HSF5: variants seen among roughly 807,000 people sequenced by gnomAD.
HSF5 encodes heat shock transcription factor 5, also known as heat shock factor protein 5.
HSF5 carries 5 observed loss-of-function variants against 50.8 expected under a neutral mutation model. The ratio of observed to expected loss-of-function variants is 0.10; its 90% confidence interval spans 0.05 to 0.21. The LOEUF (loss-of-function observed/expected upper bound fraction) is 0.21, where lower values mean the gene tolerates loss of function less well. Among genes scored for constraint, HSF5 ranks in the 10% least tolerant of loss-of-function variants. The pLI is 1.00. For synonymous variants in HSF5, 307 were observed against 307.4 expected, an observed-to-expected ratio of 1.00 and a Z score of 0.02; for missense variants, 564 against 762.6, an observed-to-expected ratio of 0.74 and a Z score of 3.07.
chr17:58,478,059 A>G (rs1178119022), intron 2 of HSF5, among the ~76,000 whole-genome samples: 1 of 151,752 alleles, frequency 6.6e-6, no homozygotes, highest in Middle Eastern at 3.2e-3. Context: ...TCTTATTTCT[A>G]TTGCCTCATT....
chr17:58,425,993 A>C (rs1303863140), intron 5 of HSF5, among the ~76,000 whole-genome samples: 1 of 152,216 alleles, frequency 6.6e-6, no homozygotes, highest in South Asian at 2.1e-4. Context: ...ACACCTAACT[A>C]TGATCATTTT....
At position 58,471,439 on chromosome 17, in the gene HSF5, G is replaced by A. The variant is rs138682359; in HGVS notation, c.926-4460C>T. On this transcript the variant is annotated intron_variant, in intron 2 of 5. Transcript: ENST00000323777. ...TTCTATATTTATGTACATTGATGTA[G>A]GATTAGAAGCATAAAGATCACACCT... 5.8e-3 allele frequency among the ~76,000 whole-genome samples: 886 copies of A among 152,068 alleles called. 5 individuals carry two copies. Among genetic ancestry groups the A allele is most frequent in the African/African-American group, 9.4e-3 (389 of 41,512 alleles).
In HSF5 at chr17:58,478,486, AAAAAGAAAAG is replaced by A. The variant is rs1191467440; in HGVS notation, c.925+1397_925+1406del. 6.6e-3 allele frequency among the ~76,000 whole-genome samples: 964 copies of A among 146,822 alleles called. 10 individuals are homozygous for A. Among genetic ancestry groups the A allele is most frequent in the African/African-American group, 0.02 (795 of 39,078 alleles). On this transcript the variant is annotated intron_variant, in intron 2 of 5. Coordinates refer to ENST00000323777, the MANE Select transcript of HSF5 (RefSeq NM_001080439.3). Reference sequence around the variant, plus strand: ...GCGAGACTCCATCTCAAAAAAAAAAAAAAAGAAAAGAAAAGAAAAGAAAAGAAAATACATT... The same window carrying A: ...GCGAGACTCCATCTCAAAAAAAAAAAAAAAGAAAAGAAAAGAAAATACATT...
chr17:58,431,385 T>C (rs891130490), intron 5 of HSF5, among the ~76,000 whole-genome samples: 4 of 152,214 alleles, frequency 2.6e-5, no homozygotes, highest in African/African-American at 9.6e-5. Context: ...AGTATTTATG[T>C]ATCTAAACAT....
At chr17:58,477,538 C>A (rs1020016150) in intron 2 of HSF5, among the ~76,000 whole-genome samples, 3 of 150,864 alleles carry the variant, frequency 2.0e-5, no homozygotes, top group Non-Finnish European at 4.4e-5. Flanking sequence ...CGGCTCACTG[C>A]AAGTTCCGCT....
intron 5 of HSF5, among the ~76,000 whole-genome samples, chr17:58,446,157 G>A (rs867928602): frequency 0.011 from 1,548 of 143,098 alleles, 42 homozygotes; most frequent in African/African-American, 0.039. Context: ...AAAAAAAAAA[G>A]GTTAAAATGG....
At chr17:58,470,366 C>A (rs1360455821) in intron 2 of HSF5, among the ~76,000 whole-genome samples, 1 of 152,032 alleles carries the variant, frequency 6.6e-6, no homozygotes, top group Admixed American at 6.6e-5. Context: ...ACACATACTA[C>A]AATATAGATG....
intron 2 of HSF5, 118 bp downstream of exon 2, chr17:58,479,775 G>C: frequency 2.4e-6 from 2 of 816,340 alleles, no homozygotes; most frequent in Non-Finnish European, 3.7e-6. Flanking sequence ...CATTTCTTAG[G>C]TGTACATTCC....
At chr17:58,424,456 C>T (rs540822814) in intron 5 of HSF5, among the ~76,000 whole-genome samples, 4 of 151,960 alleles carry the variant, frequency 2.6e-5, no homozygotes, top group Non-Finnish European at 5.9e-5. Flanking sequence ...ACTAAAAATA[C>T]AAAAAATTAG....
intron 5 of HSF5, among the ~76,000 whole-genome samples, chr17:58,439,271 A>G (rs1027189331): frequency 6.9e-6 from 1 of 145,320 alleles, no homozygotes; most frequent in Non-Finnish European, 1.5e-5. Context: ...AAGCCAATGG[A>G]AAAAAAAAAC....
intron 1 of HSF5, among the ~76,000 whole-genome samples, chr17:58,485,560 AAC>A (rs1191741095): frequency 6.6e-6 from 1 of 151,652 alleles, no homozygotes; most frequent in Admixed American, 6.6e-5. Flanking sequence ...CAGCCTGGGC[AAC>A]AGAGTGAAAC....
chr17:58,440,250 G>C (rs1974481965), intron 5 of HSF5, among the ~76,000 whole-genome samples: 2 of 152,142 alleles, frequency 1.3e-5, no homozygotes, highest in Non-Finnish European at 2.9e-5. Flanking sequence ...TTTGCCTTTT[G>C]GGTCTAGAGG....
intron 2 of HSF5, among the ~76,000 whole-genome samples, chr17:58,478,865 A>AC (rs1975061138): frequency 2.6e-5 from 1 of 38,632 alleles, no homozygotes; most frequent in South Asian, 8.4e-4. Context: ...CTCCATCTCC[A>AC]AAAAAAAAAA....
At chr17:58,480,762 G>GCTATCTATCTATCTATCTATCTAT (rs59278255) in intron 1 of HSF5, among the ~76,000 whole-genome samples, 31 of 146,486 alleles carry the variant, frequency 2.1e-4, no homozygotes, top group Middle Eastern at 3.4e-3. Flanking sequence ...AACGCTCTTT[G>GCTATCTATCTATCTATCTATCTAT]CTATCTATCT....
At position 58,434,725 on chromosome 17, in the gene HSF5, G is replaced by A. The variant is rs140897930; in HGVS notation, c.1721-12295C>T. 1.6e-3 allele frequency among the ~76,000 whole-genome samples: 246 copies of A among 152,202 alleles called. 1 individual carries two copies. Among genetic ancestry groups the A allele is most frequent in the African/African-American group, 5.7e-3 (238 of 41,522 alleles). On this transcript the variant is annotated intron_variant, in intron 5 of 5. Transcript: ENST00000323777. ...AAAAATTAGCTGGGCATGGTGGCAT[G>A]AGCCTGTGGTCCCAGTTACTCAGGA...
At chr17:58,449,699 C>CAAAAAAAA (rs200922146) in intron 5 of HSF5, among the ~76,000 whole-genome samples, 1 of 132,704 alleles carries the variant, frequency 7.5e-6, no homozygotes, top group Non-Finnish European at 1.6e-5. Context: ...GGCTCCATCT[C>CAAAAAAAA]AAAAAAAAAA....
At chr17:58,441,085 G>C (rs746116092) in intron 5 of HSF5, among the ~76,000 whole-genome samples, 1 of 152,076 alleles carries the variant, frequency 6.6e-6, no homozygotes, top group Non-Finnish European at 1.5e-5. Context: ...TATTCACCAA[G>C]ATAGACCATA....
intron 2 of HSF5, among the ~76,000 whole-genome samples, chr17:58,471,179 C>T (rs1974938552): frequency 6.6e-6 from 1 of 152,010 alleles, no homozygotes; most frequent in South Asian, 2.1e-4. Context: ...CAAAACAGTA[C>T]CCTGAAAAAT....
chr17:58,465,277 C>T (rs531971414), intron 3 of HSF5, among the ~76,000 whole-genome samples: 1 of 151,542 alleles, frequency 6.6e-6, no homozygotes, highest in Non-Finnish European at 1.5e-5. Flanking sequence ...CCACCATGGC[C>T]TCCCAAAGAG....
Sources: gnomAD v4.1 joint callset for allele counts (sites outside exome capture counted in the v4.1 genomes callset) on GRCh38, gnomAD v4.1.1 for gene constraint, MANE v1.5 for transcripts, NCBI Gene and HGNC (gene_info 2026-07-23, HGNC 2026-07-21) for gene names.